Variants in EXTL3 observed in about 807,000 individuals in gnomAD.
The protein encoded by EXTL3 is exostosin like glycosyltransferase 3.
EXTL3 carries 27 observed loss-of-function variants against 69.3 expected under a neutral mutation model. That is an observed-to-expected ratio of 0.39 (90% CI 0.29 to 0.54). EXTL3 has a LOEUF of 0.54. Among genes scored for constraint, EXTL3 ranks in the 20% least tolerant of loss-of-function variants. The pLI, the probability that EXTL3 is intolerant of heterozygous loss-of-function variation, is 0.69. For missense variants in EXTL3, 1,003 were observed against 1,231.8 expected (o/e 0.81, Z 2.78); for synonymous variants, 511 against 499.4 (o/e 1.02, Z -0.31).
Position 28,750,086 on chromosome 8 carries a change from C to T in EXTL3, c.2551-571C>T, listed in dbSNP as rs903829576. 4.1e-4 allele frequency among the ~76,000 whole-genome samples: 62 copies of T among 152,174 alleles called. No individual in the cohort carries two copies. The highest frequency in any genetic ancestry group is 8.8e-5 in the Non-Finnish European group (6 of 68,036). On this transcript the variant is annotated intron_variant, in intron 6 of 6. Transcript: ENST00000220562. This position sits in a 1 kb window ranked among gnomAD's most constrained non-coding sequence, Gnocchi z 5.2. ...GGGGTTTTTATGCCATTCGGCCTGC[C>T]ACATTGTAATGAAGCTGTCCCTCTT...
At chr8:28,702,367 T>C (rs149104097) in intron 1 of EXTL3, among the ~76,000 whole-genome samples, 151 of 152,254 alleles carry the variant, frequency 9.9e-4, no homozygotes, top group Middle Eastern at 3.4e-3. Context: ...GGGGCGTGTG[T>C]GCGCGGCGGA....
At chr8:28,685,983 A>C (rs887767192) in intron 1 of EXTL3, 1 of 151,980 alleles carries the variant, frequency 6.6e-6, no homozygotes, top group African/African-American at 2.4e-5. Flanking sequence ...CTCCTGCCTC[A>C]GCCTCCTGAG....
intron 1 of EXTL3, chr8:28,710,421 G>A (rs756970219): frequency 6.6e-6 from 3 of 455,454 alleles, no homozygotes; most frequent in South Asian, 4.7e-5. Flanking sequence ...ACATGGGCAG[G>A]AAGTGTAAAA....
At chr8:28,748,095 G>A (rs1464153815) in intron 6 of EXTL3, among the ~76,000 whole-genome samples, 1 of 152,136 alleles carries the variant, frequency 6.6e-6, no homozygotes, top group East Asian at 1.9e-4. Flanking sequence ...ACAGTAGGCT[G>A]GGCGCTGTGG....
rs370463649 is a variant in EXTL3, at chr8:28,716,021, T to C, written c.-39T>C. ...AATAGCAACCCATGGTTATGGCGAGTGACCCGACGTGATCTGGGGGGCAGG... is the reference window on the plus strand; with the variant it reads ...AATAGCAACCCATGGTTATGGCGAGCGACCCGACGTGATCTGGGGGGCAGG... On this transcript the variant is annotated 5_prime_UTR_variant, in exon 3 of 7. An upstream open reading frame in the 5' UTR loses its in-frame stop. Coordinates refer to ENST00000220562, the MANE Select transcript of EXTL3 (RefSeq NM_001440.4). This position sits in a 1 kb window ranked among gnomAD's most constrained non-coding sequence, Gnocchi z 7.1. 1.2e-5 allele frequency: 18 copies of C among 1,532,782 alleles called. No homozygotes were observed. The African/African-American group carries it at 1.8e-4, about 15-fold the overall frequency. The allele number at this position is 1,532,782 out of a possible 1,614,324, so 94.9% of individuals were successfully genotyped here.
chr8:28,615,661 G>T (rs541876772), intron 2 of EXTL3, among the ~76,000 whole-genome samples: 1 of 152,142 alleles, frequency 6.6e-6, no homozygotes, highest in African/African-American at 2.4e-5. Flanking sequence ...TCCACCTCCT[G>T]GGTTCAAGAA....
intron 1 of EXTL3, among the ~76,000 whole-genome samples, chr8:28,665,625 C>T (rs917146164): frequency 1.3e-5 from 2 of 151,910 alleles, no homozygotes; most frequent in Non-Finnish European, 2.9e-5. Flanking sequence ...TTGCCCATGG[C>T]TCAAACTCCT....
upstream of EXTL3, among the ~76,000 whole-genome samples, chr8:28,618,641 C>T (rs1005693295): frequency 6.6e-6 from 1 of 152,084 alleles, no homozygotes; most frequent in Non-Finnish European, 1.5e-5. Context: ...TGGGCAAAAT[C>T]ACTCCAAAAA....
chr8:28,642,277 C>G (rs758866323), intron 1 of EXTL3, among the ~76,000 whole-genome samples: 15 of 151,692 alleles, frequency 9.9e-5, no homozygotes, highest in Admixed American at 5.3e-4. Context: ...AACCCCATCT[C>G]TATTAAAAAA....
At chr8:28,620,886 G>T (rs1249342465), upstream of EXTL3, among the ~76,000 whole-genome samples, 1 of 152,028 alleles carries the variant, frequency 6.6e-6, no homozygotes, top group East Asian at 1.9e-4. Context: ...TGGATAACTT[G>T]CTTATTTTTG....
At chr8:28,671,909 G>A (rs956983000) in intron 1 of EXTL3, among the ~76,000 whole-genome samples, 3 of 152,162 alleles carry the variant, frequency 2.0e-5, no homozygotes, top group African/African-American at 4.8e-5. Flanking sequence ...GGAGGCTAAG[G>A]CAGGTAAAGT....
chr8:28,734,098 A>G lies in EXTL3; in HGVS notation c.2276+2748A>G, dbSNP rs377450224. On this transcript the variant is annotated intron_variant, in intron 4 of 6. Coordinates refer to ENST00000220562, the MANE Select transcript of EXTL3 (RefSeq NM_001440.4). ...CTCCCAAAGTGCTGGGATTACAGGC[A>G]TGAGCCACCGCACCAGGCCAGGATT... 7.2e-5 allele frequency among the ~76,000 whole-genome samples: 11 copies of G among 152,252 alleles called. No individual in the cohort carries two copies. In the South Asian group the frequency reaches 2.3e-3, roughly 32 times the overall value.
intron 5 of EXTL3, chr8:28,740,765 T>C (rs1423403270): frequency 6.6e-6 from 1 of 152,180 alleles, no homozygotes; most frequent in Non-Finnish European, 1.5e-5. Flanking sequence ...ATTTTATGCA[T>C]GTGTCTATTA....
Position 28,680,632 on chromosome 8 carries a change from A to G in EXTL3, c.-52-32825A>G, listed in dbSNP as rs192032724. ...CTTAGCAATTTATAAATATACATTA[A>G]TTATAGTCACCATGCTGTACAGCAG... On this transcript the variant is annotated intron_variant, in intron 1 of 6. Coordinates refer to the EXTL3 transcript ENST00000523149. Among the ~76,000 whole-genome samples, 18 of 152,270 alleles carry G rather than the reference A, an allele frequency of 1.2e-4. No homozygotes were observed. In the East Asian group the frequency reaches 3.5e-3, roughly 29 times the overall value.
intron 2 of EXTL3, among the ~76,000 whole-genome samples, chr8:28,612,448 C>T (rs538398871): frequency 1.4e-5 from 2 of 142,066 alleles, no homozygotes; most frequent in East Asian, 2.0e-4. Flanking sequence ...GGTGACGGAG[C>T]GAGACTCCAT....
At chr8:28,669,549 G>T (rs1168987643) in intron 1 of EXTL3, among the ~76,000 whole-genome samples, 1 of 152,202 alleles carries the variant, frequency 6.6e-6, no homozygotes, top group African/African-American at 2.4e-5. Context: ...GGGTGTGTGT[G>T]TTGTGCAAAC....
Position 28,673,029 on chromosome 8 carries a change from C to T in EXTL3, c.-52-40428C>T, listed in dbSNP as rs544192375. Among the ~76,000 whole-genome samples the T allele has an allele frequency of 1.6e-4, 24 of 152,322 alleles. 2 individuals carry two copies. The South Asian group carries it at 4.6e-3, about 29-fold the overall frequency. On this transcript the variant is annotated intron_variant, in intron 1 of 6. Coordinates refer to the EXTL3 transcript ENST00000523149. ...AAGATGTGCCTTTAGCCTTCCACCA[C>T]GATTGTGAGGCCTCCTCAGCCACAT...
At chr8:28,686,239 C>T (rs1807574862) in intron 1 of EXTL3, among the ~76,000 whole-genome samples, 1 of 151,810 alleles carries the variant, frequency 6.6e-6, no homozygotes, top group East Asian at 1.9e-4. Context: ...CACTTGTAAT[C>T]CCAGCATTTT....
rs114992600 is a variant in EXTL3 at position 28,705,279 on chromosome 8, A to G, written c.-570+3620A>G. On this transcript the variant is annotated intron_variant, in intron 1 of 6. Transcript: ENST00000220562. ...CTAACCCCTTAATTTACGAGTTAACAAAGGACAAGGAGCTTATGAGTCAAG... is the reference window on the plus strand; with the variant it reads ...CTAACCCCTTAATTTACGAGTTAACGAAGGACAAGGAGCTTATGAGTCAAG... Among the ~76,000 whole-genome samples, 541 of 152,340 alleles carry G rather than the reference A, an allele frequency of 3.6e-3. 7 individuals are homozygous for G. Among genetic ancestry groups the G allele is most frequent in the African/African-American group, 0.012 (514 of 41,576 alleles).
Sources: allele counts gnomAD v4.1 joint callset (sites outside exome capture counted in the v4.1 genomes callset), GRCh38; gene constraint gnomAD v4.1.1; non-coding constraint Gnocchi (gnomAD v3.1); transcripts MANE v1.5; gene names NCBI Gene and HGNC (gene_info 2026-07-23, HGNC 2026-07-21).